The following GSG1L variants were observed in gnomAD, a reference collection of about 807,000 sequenced individuals.
GSG1L encodes GSG1 like, also known as germ cell-specific gene 1-like protein.
GSG1L carries 24 observed loss-of-function variants against 42.1 expected under a neutral mutation model. That is an observed-to-expected ratio of 0.57 (90% CI 0.41 to 0.80). The LOEUF is 0.80. Among genes scored for constraint, GSG1L ranks in the 30% least tolerant of loss-of-function variants. The probability of loss-of-function intolerance (pLI) is 0.00; values close to 1 mark genes in which losing one functional copy is unlikely to be tolerated. For synonymous variants in GSG1L, 215 were observed against 203.5 expected, an observed-to-expected ratio of 1.06 and a Z score of -0.48; for missense variants, 445 against 472.2, an observed-to-expected ratio of 0.94 and a Z score of 0.53.
chr16:27,977,397 C>T (rs769471723), intron 1 of GSG1L, among the ~76,000 whole-genome samples: 2 of 151,928 alleles, frequency 1.3e-5, no homozygotes, highest in Non-Finnish European at 2.9e-5. Context: ...CATGGTCAAA[C>T]CCTGTCTCTA....
intron 3 of GSG1L, among the ~76,000 whole-genome samples, chr16:27,852,621 C>G (rs550171514): frequency 9.9e-5 from 15 of 152,208 alleles, no homozygotes; most frequent in African/African-American, 3.4e-4. Context: ...GTCACAGGCA[C>G]TTAGGTGGGG....
chr16:28,048,182 G>A lies in GSG1L; in HGVS notation c.349+14894C>T, dbSNP rs990468241. Among the ~76,000 whole-genome samples, 6 of 152,094 alleles carry A rather than the reference G, an allele frequency of 3.9e-5. No individual in the cohort carries two copies. In the South Asian group the frequency reaches 1.2e-3, roughly 32 times the overall value. ...AGTTGAAGCTGCAGTGAGCCATGAT[G>A]TTGTCACTGCACTCCAGCCTGGACG... On this transcript the variant is annotated intron_variant, in intron 1 of 6. Coordinates refer to ENST00000447459, the MANE Select transcript of GSG1L (RefSeq NM_001109763.2).
intron 1 of GSG1L, among the ~76,000 whole-genome samples, chr16:28,038,745 T>C (rs764785307): frequency 6.6e-6 from 1 of 152,224 alleles, no homozygotes; most frequent in Non-Finnish European, 1.5e-5. Flanking sequence ...CCTTTTTCAT[T>C]ATGCCATGAT....
chr16:27,902,674 A>G (rs1180486031), intron 2 of GSG1L, among the ~76,000 whole-genome samples: 1 of 152,148 alleles, frequency 6.6e-6, no homozygotes, highest in Non-Finnish European at 1.5e-5. Flanking sequence ...AGGGCTCTGG[A>G]GCCAGGCAGG....
At chr16:27,985,887 C>A (rs77520835) in intron 1 of GSG1L, among the ~76,000 whole-genome samples, 3 of 152,112 alleles carry the variant, frequency 2.0e-5, no homozygotes, top group Non-Finnish European at 4.4e-5. Flanking sequence ...CAGACTAACA[C>A]GACTCCTTGA....
At chr16:27,857,544 C>T (rs1298238440) in intron 3 of GSG1L, among the ~76,000 whole-genome samples, 1 of 151,560 alleles carries the variant, frequency 6.6e-6, no homozygotes, top group Non-Finnish European at 1.5e-5. Context: ...GGGTTCAAGA[C>T]CAGCCTGGGC....
intron 1 of GSG1L, among the ~76,000 whole-genome samples, chr16:28,034,738 C>T (rs1196210108): frequency 1.3e-5 from 2 of 152,176 alleles, no homozygotes; most frequent in Non-Finnish European, 2.9e-5. Flanking sequence ...GAGAGCCATC[C>T]TGTGCACTGT....
chr16:28,035,896 A>G (rs2086029752), intron 1 of GSG1L, among the ~76,000 whole-genome samples: 1 of 152,224 alleles, frequency 6.6e-6, no homozygotes, highest in Admixed American at 6.5e-5. Flanking sequence ...TCCCTCAGGA[A>G]AACATCATTA....
At chr16:27,909,356 TTTTC>T (rs1309777908) in intron 2 of GSG1L, among the ~76,000 whole-genome samples, 126 of 151,534 alleles carry the variant, frequency 8.3e-4, no homozygotes, top group African/African-American at 2.9e-3. Flanking sequence ...TTTCTTTCTT[TTTTC>T]TTTCTTTCTT....
intron 4 of GSG1L, among the ~76,000 whole-genome samples, chr16:27,834,655 T>C (rs2083304564): frequency 1.3e-5 from 2 of 152,174 alleles, no homozygotes; most frequent in African/African-American, 4.8e-5. Flanking sequence ...TGGCAGTTTG[T>C]GCTGTTAGAA....
chr16:27,847,276 T>C (rs557067869), intron 3 of GSG1L, among the ~76,000 whole-genome samples: 1 of 152,092 alleles, frequency 6.6e-6, no homozygotes, highest in East Asian at 1.9e-4. Flanking sequence ...TCCCAACCGG[T>C]GTGGTCAGGT....
chr16:27,849,222 A>G (rs12600226), intron 3 of GSG1L, among the ~76,000 whole-genome samples: 50,851 of 146,214 alleles, frequency 0.35, 9,486 homozygotes, highest in East Asian at 0.47. Context: ...AAAAAAAAAA[A>G]AGAGAAAAGA....
intron 4 of GSG1L, 79 bp downstream of exon 4, chr16:27,844,871 A>G: frequency 1.3e-5 from 1 of 77,992 alleles, no homozygotes; most frequent in South Asian, 9.6e-5. Flanking sequence ...CCCCCACCCC[A>G]CTGGGCTGAG....
chr16:27,806,915 G>A (rs747217730), intron 6 of GSG1L, among the ~76,000 whole-genome samples: 3 of 152,180 alleles, frequency 2.0e-5, no homozygotes, highest in Non-Finnish European at 2.9e-5. Flanking sequence ...AGAGTGGGAT[G>A]GGGTGGGGAA....
intron 2 of GSG1L, among the ~76,000 whole-genome samples, chr16:27,956,696 C>T (rs1407621084): frequency 6.6e-6 from 1 of 152,138 alleles, no homozygotes; most frequent in Non-Finnish European, 1.5e-5. Flanking sequence ...CTACTATCCC[C>T]TCTACCTGAA....
intron 2 of GSG1L, among the ~76,000 whole-genome samples, chr16:27,924,495 T>A (rs1410466133): frequency 6.6e-6 from 1 of 152,242 alleles, no homozygotes. Context: ...GAGTTTTTTT[T>A]GGCATAAATA....
intron 1 of GSG1L, among the ~76,000 whole-genome samples, chr16:28,006,978 T>G (rs2085647522): frequency 6.6e-6 from 1 of 152,062 alleles, no homozygotes; most frequent in Non-Finnish European, 1.5e-5. Context: ...CTGCGCCTGG[T>G]CAGGGAGACA....
At chr16:27,909,895 G>A (rs1156526356) in intron 2 of GSG1L, among the ~76,000 whole-genome samples, 3 of 151,758 alleles carry the variant, frequency 2.0e-5, no homozygotes, top group Non-Finnish European at 2.9e-5. Context: ...TCAAGGTTCG[G>A]GGAAGCAATG....
At chr16:27,910,019 G>A (rs1224008205) in intron 2 of GSG1L, among the ~76,000 whole-genome samples, 1 of 148,724 alleles carries the variant, frequency 6.7e-6, no homozygotes, top group African/African-American at 2.5e-5. Flanking sequence ...GAGTGTAGTG[G>A]CATGATCTCA....
Sources: gnomAD v4.1 joint callset for allele counts (sites outside exome capture counted in the v4.1 genomes callset) on GRCh38, gnomAD v4.1.1 for gene constraint, MANE v1.5 for transcripts, NCBI Gene and HGNC (gene_info 2026-07-23, HGNC 2026-07-21) for gene names.